The following PCDH15 variants were observed in gnomAD, a reference collection of about 807,000 sequenced individuals.
The protein encoded by PCDH15 is protocadherin-15.
PCDH15 carries 129 observed loss-of-function variants against 178.5 expected under a neutral mutation model. The observed-to-expected ratio is 0.72, with a 90% CI of 0.63 to 0.84. The LOEUF is 0.84. Ranked by LOEUF, PCDH15 falls within the 40% of genes least tolerant of loss-of-function variation. PCDH15 has a pLI of 0.00. For synonymous variants in PCDH15, 800 were observed against 732.0 expected, an observed-to-expected ratio of 1.09 and a Z score of -1.50; for missense variants, 2,230 against 2,099.9, an observed-to-expected ratio of 1.06 and a Z score of -1.21.
At position 53,805,864 on chromosome 10, in the gene PCDH15, T is replaced by TAA. The variant is rs953811270; in HGVS notation, c.*713_*714dup. 8 of 152,102 alleles carry TAA rather than the reference T, an allele frequency of 5.3e-5. No individual in the cohort carries two copies. Among genetic ancestry groups the TAA allele is most frequent in the African/African-American group, 1.4e-4 (6 of 41,512 alleles). 9.4% of individuals were successfully genotyped at this position (152,102 alleles called of 1,614,324 possible). ...TTAACCTCAAGTGATTAAACTAAACTAAAGTATCTACCATATTTGATATGA... is the reference window on the plus strand; with the variant it reads ...TTAACCTCAAGTGATTAAACTAAACTAAAAAGTATCTACCATATTTGATATGA... On this transcript the variant is annotated 3_prime_UTR_variant, in exon 38 of 38. Coordinates refer to ENST00000644397, the MANE Select transcript of PCDH15 (RefSeq NM_001384140.1).
intron 6 of PCDH15, among the ~76,000 whole-genome samples, chr10:54,332,526 A>G (rs1456815355): frequency 6.7e-6 from 1 of 150,258 alleles, no homozygotes; most frequent in Non-Finnish European, 1.5e-5. Context: ...TCTTGCTTAA[A>G]TATCCCATCA....
At chr10:53,941,490 G>A (rs375012013) in intron 23 of PCDH15, among the ~76,000 whole-genome samples, 137 of 152,168 alleles carry the variant, frequency 9.0e-4, no homozygotes, top group African/African-American at 3.2e-3. Flanking sequence ...AACATCTATG[G>A]CTTGATTGCT....
chr10:55,611,968 T>A (rs905474355), intron 2 of PCDH15, among the ~76,000 whole-genome samples: 3 of 151,830 alleles, frequency 2.0e-5, no homozygotes, highest in African/African-American at 4.8e-5. Flanking sequence ...AAGTAAAAAA[T>A]GTCAGACTCA....
intron 7 of PCDH15, among the ~76,000 whole-genome samples, chr10:54,321,592 G>A (rs2061610303): frequency 6.6e-6 from 1 of 151,616 alleles, no homozygotes; most frequent in South Asian, 2.1e-4. Flanking sequence ...AAACAAATTT[G>A]AATTTTTTAA....
chr10:54,968,723 C>G (rs182596545), intron 2 of PCDH15, among the ~76,000 whole-genome samples: 2 of 152,162 alleles, frequency 1.3e-5, no homozygotes, highest in Admixed American at 1.3e-4. Context: ...AAATACTTTC[C>G]CTTCCTCTTT....
chr10:54,421,690 A>ATATATATATATATATT (rs1301759947), intron 3 of PCDH15, among the ~76,000 whole-genome samples: 1 of 110,966 alleles, frequency 9.0e-6, no homozygotes, highest in Non-Finnish European at 1.8e-5. Flanking sequence ...ATATATATAT[A>ATATATATATATATATT]TATACACACA....
At chr10:55,223,814 T>C (rs1028999169) in intron 1 of PCDH15, among the ~76,000 whole-genome samples, 1 of 152,160 alleles carries the variant, frequency 6.6e-6, no homozygotes, top group Admixed American at 6.5e-5. Context: ...CAAATATAGA[T>C]GGGCTGATTT....
chr10:54,078,173 G>T (rs1188013999), intron 17 of PCDH15, among the ~76,000 whole-genome samples: 1 of 152,076 alleles, frequency 6.6e-6, no homozygotes, highest in South Asian at 2.1e-4. Flanking sequence ...TACTACAACT[G>T]TTCTGTATAT....
At position 53,805,603 on chromosome 10, in the gene PCDH15, C is replaced by G. The variant is rs541615966; in HGVS notation, c.*976G>C. ...AACATTTGAAGTTATGAATTCATAG[C>G]CTTTATAAGCTTTATATATTATATA... On this transcript the variant is annotated 3_prime_UTR_variant, in exon 38 of 38. Coordinates refer to ENST00000644397, the MANE Select transcript of PCDH15 (RefSeq NM_001384140.1). 2.6e-5 allele frequency: 4 copies of G among 152,090 alleles called. No individual in the cohort carries two copies. The highest frequency in any genetic ancestry group is 5.9e-5 in the Non-Finnish European group (4 of 67,982). 9.4% of individuals were successfully genotyped at this position (152,090 alleles called of 1,614,324 possible). A position where few individuals can be genotyped will look rare whatever the true frequency, so the allele number is the denominator to read the frequency against.
chr10:55,017,771 A>T (rs1353019647), intron 2 of PCDH15, among the ~76,000 whole-genome samples: 1 of 152,080 alleles, frequency 6.6e-6, no homozygotes, highest in Non-Finnish European at 1.5e-5. Context: ...CTTTAAGGAC[A>T]ATTATAATGG....
chr10:54,807,749 TTATAA>T (rs544951634), intron 3 of PCDH15, among the ~76,000 whole-genome samples: 126 of 149,386 alleles, frequency 8.4e-4, no homozygotes, highest in African/African-American at 2.7e-3. Context: ...ATGCATATAC[TTATAA>T]TAGTATAAAA....
In PCDH15 at chr10:53,866,654, T is replaced by A; in HGVS notation, c.3705A>T (p.Lys1235Asn). Residue 1235 changes from lysine to asparagine, a missense_variant, in exon 27 of 38, where the codon AAA (lysine) becomes AAT (asparagine). Coordinates refer to ENST00000644397, the MANE Select transcript of PCDH15 (RefSeq NM_001384140.1). ...TDDYGKGLSG[K>N]ADVLVSVVNQ... ...TTTATCTACTTACGAGTACATCGGCTTTGCCGCTCAGTCCCTTCCCATAGT... is the reference window on the plus strand; with the variant it reads ...TTTATCTACTTACGAGTACATCGGCATTGCCGCTCAGTCCCTTCCCATAGT... 6.2e-7 allele frequency: 1 copy of A among 1,613,552 alleles called. No individual in the cohort carries two copies. The highest frequency in any genetic ancestry group is 8.5e-7 in the Non-Finnish European group (1 of 1,179,594).
intron 26 of PCDH15, among the ~76,000 whole-genome samples, chr10:53,876,624 CA>C (rs11342870): frequency 0.65 from 92,295 of 142,972 alleles, 29,399 homozygotes; most frequent in Middle Eastern, 0.81. Context: ...AAAACTTTTG[CA>C]AAAAAAAAAA....
At chr10:54,898,533 TTCTC>T (rs1297988546) in intron 2 of PCDH15, among the ~76,000 whole-genome samples, 1 of 152,142 alleles carries the variant, frequency 6.6e-6, no homozygotes, top group Non-Finnish European at 1.5e-5. Flanking sequence ...CAGCAACTCT[TTCTC>T]TCAATAAGAT....
At chr10:53,988,044 A>C (rs932150281) in intron 21 of PCDH15, among the ~76,000 whole-genome samples, 1 of 152,070 alleles carries the variant, frequency 6.6e-6, no homozygotes, top group Non-Finnish European at 1.5e-5. Context: ...TTCTTTTTTA[A>C]GCTCTTAGTC....
intron 13 of PCDH15, among the ~76,000 whole-genome samples, chr10:54,183,096 C>G (rs373388777): frequency 6.6e-6 from 1 of 152,100 alleles, no homozygotes; most frequent in South Asian, 2.1e-4. Context: ...ATTCTCCTGC[C>G]TCAGCCTCCT....
chr10:55,505,422 A>G (rs961452417), intron 2 of PCDH15, among the ~76,000 whole-genome samples: 1 of 151,356 alleles, frequency 6.6e-6, no homozygotes, highest in South Asian at 2.1e-4. Context: ...AAATAATAAG[A>G]CTAATATAAA....
intron 14 of PCDH15, among the ~76,000 whole-genome samples, chr10:54,138,116 T>A (rs1194464064): frequency 6.6e-6 from 1 of 152,164 alleles, no homozygotes; most frequent in African/African-American, 2.4e-5. Context: ...GTTTGAGAAT[T>A]TTTTAAAGAA....
chr10:53,822,803 T>C (rs1035425342), intron 32 of PCDH15: 4 of 1,614,016 alleles, frequency 2.5e-6, no homozygotes, highest in Non-Finnish European at 3.4e-6. Context: ...GTGTTTCACC[T>C]TGCCTTATTT....
Sources: allele counts gnomAD v4.1 joint callset (sites outside exome capture counted in the v4.1 genomes callset), GRCh38; gene constraint gnomAD v4.1.1; transcripts MANE v1.5; gene names NCBI Gene and HGNC (gene_info 2026-07-23, HGNC 2026-07-21).